The following NALCN variants were observed in gnomAD, a reference collection of about 807,000 sequenced individuals.
The protein encoded by NALCN is sodium leak channel NALCN.
NALCN carries 111 observed loss-of-function variants against 225.3 expected under a neutral mutation model. The ratio of observed to expected loss-of-function variants is 0.49; its 90% confidence interval spans 0.42 to 0.58. The LOEUF (loss-of-function observed/expected upper bound fraction) is 0.58, where lower values mean the gene tolerates loss of function less well. Among genes scored for constraint, NALCN ranks in the 20% least tolerant of loss-of-function variants. The pLI, the probability that NALCN is intolerant of heterozygous loss-of-function variation, is 0.00. For synonymous variants in NALCN, 764 were observed against 769.0 expected, an observed-to-expected ratio of 0.99 and a Z score of 0.11; for missense variants, 1,378 against 2,202.4, an observed-to-expected ratio of 0.63 and a Z score of 7.49.
Position 101,176,439 on chromosome 13 carries a change from T to C in NALCN, c.1765-65A>G, listed in dbSNP as rs1397752979. On this transcript the variant is annotated intron_variant, in intron 14 of 43. Transcript: ENST00000251127. Reference sequence around the variant, plus strand: ...CATAAGTATCAAAATATTATATGTATAATATAGCTACCTAAAATATATTGA... The same window carrying C: ...CATAAGTATCAAAATATTATATGTACAATATAGCTACCTAAAATATATTGA... 10 of 1,173,510 alleles carry C rather than the reference T, an allele frequency of 8.5e-6. No individual in the cohort carries two copies. In the South Asian group the frequency reaches 1.6e-4, roughly 18 times the overall value. The allele number at this position is 1,173,510 out of a possible 1,614,324, so 72.7% of individuals were successfully genotyped here.
chr13:101,260,661 T>C (rs2042394944), intron 10 of NALCN, among the ~76,000 whole-genome samples: 1 of 152,238 alleles, frequency 6.6e-6, no homozygotes, highest in African/African-American at 2.4e-5. Flanking sequence ...TTGTGTCATT[T>C]GTATGTCTTC....
chr13:101,402,754 C>T lies in NALCN; in HGVS notation c.-39-3589G>A, dbSNP rs79053107. Reference sequence around the variant, plus strand: ...TGCTTCCCCCGCAGATGTAGGAAGACGGTGCCAACACCATCATGAATGAAG... The same window carrying T: ...TGCTTCCCCCGCAGATGTAGGAAGATGGTGCCAACACCATCATGAATGAAG... On this transcript the variant is annotated intron_variant, in intron 1 of 43. Transcript: ENST00000251127. 8.8e-4 allele frequency among the ~76,000 whole-genome samples: 134 copies of T among 152,282 alleles called. 2 individuals are homozygous for T. In the East Asian group the frequency reaches 0.02, roughly 22 times the overall value.
chr13:101,394,977 A>T (rs1050675629), intron 3 of NALCN, among the ~76,000 whole-genome samples: 2 of 152,198 alleles, frequency 1.3e-5, no homozygotes, highest in Non-Finnish European at 2.9e-5. Context: ...AGAGTTTGTG[A>T]CTTACAAAAT....
intron 20 of NALCN, among the ~76,000 whole-genome samples, chr13:101,109,055 T>C (rs544443810): frequency 1.1e-3 from 166 of 152,330 alleles, no homozygotes; most frequent in African/African-American, 3.8e-3. Flanking sequence ...TTGCTGTCTA[T>C]GTTTAAACAC....
intron 7 of NALCN, among the ~76,000 whole-genome samples, chr13:101,343,214 A>G (rs2045612171): frequency 1.3e-5 from 2 of 152,206 alleles, no homozygotes; most frequent in South Asian, 4.1e-4. Flanking sequence ...AATATCAGGA[A>G]GCAGCTATCA....
At chr13:101,189,944 A>T (rs1669950) in intron 14 of NALCN, among the ~76,000 whole-genome samples, 55,167 of 152,008 alleles carry the variant, frequency 0.36, 10,608 homozygotes, top group African/African-American at 0.43. Flanking sequence ...ACTTTAAGTG[A>T]TCTATAACCA....
chr13:101,293,399 T>C (rs1452224366), intron 7 of NALCN, among the ~76,000 whole-genome samples: 2 of 152,236 alleles, frequency 1.3e-5, no homozygotes, highest in Non-Finnish European at 2.9e-5. Context: ...AATATGCTTT[T>C]GTGAGAAAAC....
intron 10 of NALCN, among the ~76,000 whole-genome samples, chr13:101,278,721 C>T (rs544099148): frequency 6.6e-6 from 1 of 152,268 alleles, no homozygotes; most frequent in South Asian, 2.1e-4. Flanking sequence ...AGGAGACATC[C>T]TGGCAAAACT....
chr13:101,086,410 A>C (rs1234060405), intron 30 of NALCN, among the ~76,000 whole-genome samples: 1 of 151,824 alleles, frequency 6.6e-6, no homozygotes, highest in Non-Finnish European at 1.5e-5. Flanking sequence ...ATATTTTGTG[A>C]TTTTCTATTA....
intron 15 of NALCN, among the ~76,000 whole-genome samples, chr13:101,154,904 A>AAATCAC (rs1369236011): frequency 6.6e-6 from 1 of 152,236 alleles, no homozygotes; most frequent in Non-Finnish European, 1.5e-5. Context: ...ATTAGAAACA[A>AAATCAC]AATCACAAAA....
chr13:101,093,754 G>C (rs1311812438), intron 28 of NALCN, among the ~76,000 whole-genome samples: 1 of 152,132 alleles, frequency 6.6e-6, no homozygotes. Flanking sequence ...TCTTGGGGAG[G>C]TCCCAGAGCT....
chr13:101,396,077 A>G (rs2047283914), intron 2 of NALCN, among the ~76,000 whole-genome samples: 1 of 152,176 alleles, frequency 6.6e-6, no homozygotes, highest in African/African-American at 2.4e-5. Flanking sequence ...TTTAGCCCAG[A>G]CATCTTTCAA....
rs574701155 is a variant in NALCN at position 101,102,726 on chromosome 13, C to T, written c.3057+446G>A. 1.6e-4 allele frequency among the ~76,000 whole-genome samples: 25 copies of T among 152,258 alleles called. 1 individual carries two copies. The South Asian group carries it at 5.2e-3, about 32-fold the overall frequency. On this transcript the variant is annotated intron_variant, in intron 26 of 43. Transcript: ENST00000251127. ...CATTTTTAAAGTTGTTTTATGTTAACACTCCTGAGATCTAAAGACAAATTC... is the reference window on the plus strand; with the variant it reads ...CATTTTTAAAGTTGTTTTATGTTAATACTCCTGAGATCTAAAGACAAATTC...
intron 11 of NALCN, among the ~76,000 whole-genome samples, chr13:101,252,092 G>T (rs2042078363): frequency 6.6e-6 from 1 of 152,046 alleles, no homozygotes; most frequent in South Asian, 2.1e-4. Context: ...CAAATTTTAG[G>T]TATACACCTC....
chr13:101,058,131 AAC>A, intron 42 of NALCN, 75 bp from the exon 43 acceptor site: 1 of 1,273,140 alleles, frequency 7.9e-7, no homozygotes, highest in African/African-American at 1.5e-5. Context: ...AAGAAAGGAA[AAC>A]ACATGGCAGG....
intron 7 of NALCN, among the ~76,000 whole-genome samples, chr13:101,330,450 T>A (rs1476348914): frequency 2.0e-5 from 3 of 152,076 alleles, no homozygotes; most frequent in Non-Finnish European, 4.4e-5. Flanking sequence ...TTACAAAGGA[T>A]TGTTCTGCAT....
At chr13:101,154,339 T>C (rs1255222998) in intron 15 of NALCN, among the ~76,000 whole-genome samples, 7 of 152,204 alleles carry the variant, frequency 4.6e-5, no homozygotes, top group Admixed American at 1.3e-4. Context: ...AAAACAACAC[T>C]TTCAAGCAAT....
At chr13:101,170,808 T>A (rs7335306) in intron 15 of NALCN, among the ~76,000 whole-genome samples, 1 of 152,004 alleles carries the variant, frequency 6.6e-6, no homozygotes, top group African/African-American at 2.4e-5. Flanking sequence ...CTAAACAGAC[T>A]ACCTATACTT....
At chr13:101,256,256 T>C (rs567571426) in intron 11 of NALCN, among the ~76,000 whole-genome samples, 1 of 152,318 alleles carries the variant, frequency 6.6e-6, no homozygotes, top group Non-Finnish European at 1.5e-5. Context: ...ACTTTGGTGG[T>C]ACCCGTCCTT....
Sources: allele counts gnomAD v4.1 joint callset (sites outside exome capture counted in the v4.1 genomes callset), GRCh38; gene constraint gnomAD v4.1.1; transcripts MANE v1.5; gene names NCBI Gene and HGNC (gene_info 2026-07-23, HGNC 2026-07-21).